HIBCH: variants seen among roughly 807,000 people sequenced by gnomAD.
The protein encoded by HIBCH is 3-hydroxyisobutyryl-CoA hydrolase, mitochondrial.
Under a neutral mutation model 58.2 loss-of-function variants are expected in HIBCH, and 50 were observed. The observed-to-expected ratio is 0.86, with a 90% confidence interval of 0.68 to 1.09. HIBCH has a LOEUF of 1.09. HIBCH is among the 50% of genes least tolerant of loss of function. The pLI is 0.00. For synonymous variants in HIBCH, 151 were observed against 146.9 expected (o/e 1.03, Z -0.20); for missense variants, 450 against 449.7 (o/e 1.00, Z -0.01).
At chr2:190,221,695 C>CA (rs1349566002) in intron 11 of HIBCH, among the ~76,000 whole-genome samples, 1 of 152,190 alleles carries the variant, frequency 6.6e-6, no homozygotes, top group Non-Finnish European at 1.5e-5. Context: ...CCCCACCCCC[C>CA]ATCCAGTGCC....
At chr2:190,253,628 A>C (rs1273616517) in intron 7 of HIBCH, among the ~76,000 whole-genome samples, 2 of 152,132 alleles carry the variant, frequency 1.3e-5, no homozygotes, top group African/African-American at 4.8e-5. Context: ...TGTTCTCCAC[A>C]CAATAGCCAA....
chr2:190,319,819 C>G lies in HIBCH; in HGVS notation c.-69G>C. 2 of 1,566,290 alleles carry G rather than the reference C, an allele frequency of 1.3e-6. No homozygotes were observed. Among genetic ancestry groups the G allele is most frequent in the South Asian group, 1.2e-5 (1 of 85,762 alleles). ...GGACCGTTCCAGCGCCTCGCGTGAG[C>G]CCCGCCCACCGCCGTCCTGCGCCGC... is the stretch of plus-strand genomic sequence containing the variant. On this transcript the variant is annotated 5_prime_UTR_variant, in exon 1 of 14. Transcript: ENST00000359678.
At chr2:190,213,145 T>C (rs1012834988) in intron 11 of HIBCH, 70 bp from the exon 12 acceptor site, 6 of 1,207,304 alleles carry the variant, frequency 5.0e-6, no homozygotes, top group Admixed American at 1.7e-5. Flanking sequence ...ATGGGCAGAG[T>C]GTCTATGTAA....
At chr2:190,274,212 G>A (rs1015336234) in intron 6 of HIBCH, among the ~76,000 whole-genome samples, 2 of 152,130 alleles carry the variant, frequency 1.3e-5, no homozygotes, top group African/African-American at 4.8e-5. Flanking sequence ...GTCACTAATA[G>A]CAAGAAACAG....
At chr2:190,252,475 G>A (rs1686803442) in intron 7 of HIBCH, among the ~76,000 whole-genome samples, 168 bp from the exon 8 acceptor site, 1 of 152,282 alleles carries the variant, frequency 6.6e-6, no homozygotes, top group South Asian at 2.1e-4. Context: ...CAAAAGACTT[G>A]CTATGAACTG....
At chr2:190,208,027 A>AT (rs1329168038) in intron 13 of HIBCH, among the ~76,000 whole-genome samples, 2 of 152,276 alleles carry the variant, frequency 1.3e-5, no homozygotes, top group Non-Finnish European at 2.9e-5. Context: ...ACAGCTTTTT[A>AT]TAAGGATAAG....
chr2:190,219,499 G>C (rs1450629603), intron 11 of HIBCH, among the ~76,000 whole-genome samples: 2 of 152,118 alleles, frequency 1.3e-5, no homozygotes, highest in African/African-American at 4.8e-5. Flanking sequence ...TAAAATAAAA[G>C]TTTATTAGTC....
intron 11 of HIBCH, among the ~76,000 whole-genome samples, chr2:190,219,610 C>T (rs1243968446): frequency 6.6e-6 from 1 of 152,200 alleles, no homozygotes; most frequent in Non-Finnish European, 1.5e-5. Flanking sequence ...GATTGCAGTG[C>T]ATTGTGGGCT....
intron 11 of HIBCH, among the ~76,000 whole-genome samples, chr2:190,239,342 T>C (rs1385193983): frequency 3.3e-5 from 5 of 152,206 alleles, no homozygotes; most frequent in Admixed American, 3.3e-4. Context: ...TTGGTACCAC[T>C]ATACCATGCT....
At chr2:190,311,863 A>G (rs1460175771) in intron 1 of HIBCH, among the ~76,000 whole-genome samples, 1 of 152,200 alleles carries the variant, frequency 6.6e-6, no homozygotes, top group Non-Finnish European at 1.5e-5. Flanking sequence ...TTGCTGTCTT[A>G]AAAGTGCTTG....
intron 2 of HIBCH, among the ~76,000 whole-genome samples, chr2:190,309,591 C>T (rs1688507047): frequency 6.6e-6 from 1 of 150,696 alleles, no homozygotes; most frequent in Admixed American, 6.6e-5. Flanking sequence ...GAGTCTCGCT[C>T]TGTCGCCCAG....
At chr2:190,219,415 T>C (rs939640943) in intron 11 of HIBCH, among the ~76,000 whole-genome samples, 3 of 152,216 alleles carry the variant, frequency 2.0e-5, no homozygotes, top group Admixed American at 6.5e-5. Context: ...CCTGTTTGGA[T>C]AGCTGATGCC....
Position 190,236,281 on chromosome 2 carries a change from T to A in HIBCH, c.891+8606A>T, listed in dbSNP as rs138974296. Among the ~76,000 whole-genome samples, 5 of 152,150 alleles carry A rather than the reference T, an allele frequency of 3.3e-5. No homozygotes were observed. The highest frequency in any genetic ancestry group is 1.2e-4 in the African/African-American group (5 of 41,446). On this transcript the variant is annotated intron_variant, in intron 11 of 13. Coordinates refer to ENST00000359678, the MANE Select transcript of HIBCH (RefSeq NM_014362.4). This position sits in a 1 kb window ranked among gnomAD's most constrained non-coding sequence, Gnocchi z 4.1. ...AAATGAAACTAAGCTGAAGGTAAAA[T>A]TTAATTCACAAGTATTTTAATAATA...
chr2:190,248,855 T>C (rs1192820385), intron 9 of HIBCH, among the ~76,000 whole-genome samples: 1 of 144,120 alleles, frequency 6.9e-6, no homozygotes, highest in Non-Finnish European at 1.5e-5. Context: ...AGCGAGACTC[T>C]GCTTCAAAAC....
chr2:190,278,738 C>CAAAAAAAAAAAAAAAAAAAAAAAA (rs34358967), intron 6 of HIBCH, among the ~76,000 whole-genome samples: 1 of 79,658 alleles, frequency 1.3e-5, no homozygotes. Context: ...GACTCCATCT[C>CAAAAAAAAAAAAAAAAAAAAAAAA]AAAAAAAAAA....
intron 11 of HIBCH, among the ~76,000 whole-genome samples, chr2:190,221,714 C>T (rs1012136084): frequency 6.6e-6 from 1 of 152,142 alleles, no homozygotes; most frequent in Non-Finnish European, 1.5e-5. Context: ...CCCATAAAAA[C>T]CTCACCCAGC....
chr2:190,232,726 A>G (rs573626477), intron 11 of HIBCH, among the ~76,000 whole-genome samples: 1 of 152,330 alleles, frequency 6.6e-6, no homozygotes, highest in East Asian at 1.9e-4. Flanking sequence ...TGGGAGGCCG[A>G]GGCAGGTGGA....
Position 190,273,493 on chromosome 2 carries a change from A to C in HIBCH, c.439-12259T>G, listed in dbSNP as rs192013697. Among the ~76,000 whole-genome samples, 263 of 152,346 alleles carry C rather than the reference A, an allele frequency of 1.7e-3. 3 individuals carry two copies. Among genetic ancestry groups the C allele is most frequent in the African/African-American group, 6.0e-3 (249 of 41,576 alleles). On this transcript the variant is annotated intron_variant, in intron 6 of 13. Transcript: ENST00000359678. ...AAGAATCTCATCTGGGGATGAGAGG[A>C]GATCTACCGCTCTCTATCAAAACAA...
In HIBCH at chr2:190,266,678, C is replaced by T. The variant is rs149317799; in HGVS notation, c.439-5444G>A. Among the ~76,000 whole-genome samples the T allele has an allele frequency of 4.2e-3, 630 of 150,698 alleles. 8 individuals are homozygous for T. Among genetic ancestry groups the T allele is most frequent in the Middle Eastern group, 0.031 (9 of 286 alleles). On this transcript the variant is annotated intron_variant, in intron 6 of 13. Transcript: ENST00000359678. ...CAAACTCTAGGCTCCAGGTGACGCG[C>T]CCGCCTCGGCCTCCCAGAGTGCTGG...
Sources: allele counts gnomAD v4.1 joint callset (sites outside exome capture counted in the v4.1 genomes callset), GRCh38; gene constraint gnomAD v4.1.1; non-coding constraint Gnocchi (gnomAD v3.1); transcripts MANE v1.5; gene names NCBI Gene and HGNC (gene_info 2026-07-23, HGNC 2026-07-21).